The following SLC2A13 variants were observed in gnomAD, a reference collection of about 807,000 sequenced individuals.
The protein encoded by SLC2A13 is proton myo-inositol cotransporter.
In SLC2A13, 32 loss-of-function variants were observed where a neutral mutation model predicts 64.4. The ratio of observed to expected loss-of-function variants is 0.50; its 90% CI spans 0.37 to 0.67. The LOEUF (loss-of-function observed/expected upper bound fraction) is 0.67. Among genes scored for constraint, SLC2A13 ranks in the 30% least tolerant of loss-of-function variants. The probability of loss-of-function intolerance (pLI) is 0.00; values close to 1 mark genes in which losing one functional copy is unlikely to be tolerated. For synonymous variants in SLC2A13, 338 were observed against 327.1 expected (o/e 1.03, Z -0.36); for missense variants, 743 against 829.2 (o/e 0.90, Z 1.28).
At chr12:39,792,107 A>C (rs1249455819) in intron 7 of SLC2A13, among the ~76,000 whole-genome samples, 1 of 78,508 alleles carries the variant, frequency 1.3e-5, no homozygotes, top group African/African-American at 4.9e-5. Flanking sequence ...CAAACCTGAG[A>C]AAAACAAGCA....
Position 40,017,590 on chromosome 12 carries a change from T to C in SLC2A13, c.925+10711A>G, listed in dbSNP as rs28370778. Among the ~76,000 whole-genome samples, 1,435 of 152,314 alleles carry C rather than the reference T, an allele frequency of 9.4e-3. 16 individuals are homozygous for C. The highest frequency in any genetic ancestry group is 0.032 in the African/African-American group (1,345 of 41,566). ...GCAAGGGAGCTAAGATTTCTGTTGG[T>C]GCATCAAGCCATTTTGATAGTACAG... On this transcript the variant is annotated intron_variant, in intron 3 of 9. Coordinates refer to ENST00000280871, the MANE Select transcript of SLC2A13 (RefSeq NM_052885.4).
At chr12:39,799,804 AACTGAGGAGAGCTGG>A (rs1250558734) in intron 7 of SLC2A13, among the ~76,000 whole-genome samples, 31 of 152,314 alleles carry the variant, frequency 2.0e-4, no homozygotes, top group Admixed American at 1.8e-3. Flanking sequence ...AAAGCCTGGC[AACTGAGGAGAGCTGG>A]CTGGATCATG....
At chr12:39,812,352 C>CTTTTCTTTTCTT (rs1942192279) in intron 7 of SLC2A13, among the ~76,000 whole-genome samples, 1 of 127,856 alleles carries the variant, frequency 7.8e-6, no homozygotes, top group East Asian at 2.3e-4. Flanking sequence ...CTTTTCTTTT[C>CTTTTCTTTTCTT]TTTTCTTTTC....
chr12:39,961,830 A>G (rs1946419721), intron 3 of SLC2A13, among the ~76,000 whole-genome samples: 1 of 150,046 alleles, frequency 6.7e-6, no homozygotes, highest in African/African-American at 2.5e-5. Flanking sequence ...ACAGAGTCTC[A>G]CTCTGTCACC....
chr12:39,953,078 A>G (rs1229205819), intron 3 of SLC2A13, among the ~76,000 whole-genome samples: 1 of 152,200 alleles, frequency 6.6e-6, no homozygotes, highest in African/African-American at 2.4e-5. Context: ...CAAGAAGTCT[A>G]TTATAATCTT....
Position 39,813,328 on chromosome 12 carries a change from T to G in SLC2A13, c.1445+16775A>C, listed in dbSNP as rs182764008. Among the ~76,000 whole-genome samples, 189 of 152,234 alleles carry G rather than the reference T, an allele frequency of 1.2e-3. 1 individual carries two copies. The highest frequency in any genetic ancestry group is 5.0e-3 in the Admixed American group (77 of 15,292). ...TTATTTTATTACAAATATTTTCAAA[T>G]ATATTCAAAAGTAGAGAGTATAGTA... On this transcript the variant is annotated intron_variant, in intron 7 of 9. Transcript: ENST00000280871.
At chr12:39,950,199 T>C (rs1946203596) in intron 4 of SLC2A13, 1 of 152,114 alleles carries the variant, frequency 6.6e-6, no homozygotes, top group African/African-American at 2.4e-5. Flanking sequence ...TTTTAATCAA[T>C]TCACTCTTCT....
rs148854960 is a variant in SLC2A13, at chr12:39,921,281, G to A, written c.1034+29976C>T. Among the ~76,000 whole-genome samples, 580 of 152,120 alleles carry A rather than the reference G, an allele frequency of 3.8e-3. 10 individuals carry two copies. The highest frequency in any genetic ancestry group is 0.013 in the African/African-American group (547 of 41,452). On this transcript the variant is annotated intron_variant, in intron 4 of 9. Transcript: ENST00000280871. Reference sequence around the variant, plus strand: ...CTTCCTTCTGTTGCTAGAAAATGATGATCTTCAGTTACCAATACTAGGTTG... The same window carrying A: ...CTTCCTTCTGTTGCTAGAAAATGATAATCTTCAGTTACCAATACTAGGTTG...
At chr12:40,079,692 T>A (rs1026903456) in intron 1 of SLC2A13, among the ~76,000 whole-genome samples, 10 of 152,346 alleles carry the variant, frequency 6.6e-5, no homozygotes, top group African/African-American at 2.4e-4. Flanking sequence ...ACACTGTCAG[T>A]GACATGTTGA....
At chr12:40,084,361 A>G (rs1278500099) in intron 1 of SLC2A13, among the ~76,000 whole-genome samples, 1 of 152,216 alleles carries the variant, frequency 6.6e-6, no homozygotes. Flanking sequence ...ACACAAAGCC[A>G]CTTTTTAATG....
intron 1 of SLC2A13, among the ~76,000 whole-genome samples, chr12:40,067,906 T>C (rs1256841043): frequency 6.6e-6 from 1 of 152,134 alleles, no homozygotes; most frequent in Non-Finnish European, 1.5e-5. Context: ...AATTGCTTAT[T>C]CTTTTTTTCT....
chr12:39,939,533 G>A (rs961951537), intron 4 of SLC2A13, among the ~76,000 whole-genome samples: 1 of 152,182 alleles, frequency 6.6e-6, no homozygotes, highest in Non-Finnish European at 1.5e-5. Context: ...CCTACATTAT[G>A]GGAGCCAAGG....
At position 39,947,762 on chromosome 12, in the gene SLC2A13, G is replaced by A. The variant is rs529832297; in HGVS notation, c.1034+3495C>T. 2.3e-3 allele frequency among the ~76,000 whole-genome samples: 342 copies of A among 148,382 alleles called. 1 individual carries two copies. Among genetic ancestry groups the A allele is most frequent in the Non-Finnish European group, 4.1e-3 (274 of 67,642 alleles). ...TTCAAGCTCTGCCTCACGGGTTCAC[G>A]CCATTCTCCTGCCTCAGCCTCCCGA... On this transcript the variant is annotated intron_variant, in intron 4 of 9. Coordinates refer to ENST00000280871, the MANE Select transcript of SLC2A13 (RefSeq NM_052885.4).
At chr12:39,795,901 C>A (rs1285635461) in intron 7 of SLC2A13, among the ~76,000 whole-genome samples, 2 of 152,086 alleles carry the variant, frequency 1.3e-5, no homozygotes, top group African/African-American at 4.8e-5. Context: ...CACATGTCAT[C>A]AATTCATCCT....
intron 4 of SLC2A13, among the ~76,000 whole-genome samples, chr12:39,873,785 G>T (rs902819740): frequency 1.3e-5 from 2 of 152,054 alleles, no homozygotes; most frequent in East Asian, 1.9e-4. Flanking sequence ...ATGAAAAAAA[G>T]TTCCATAGCT....
intron 3 of SLC2A13, among the ~76,000 whole-genome samples, chr12:39,996,887 A>C (rs1947240850): frequency 6.6e-6 from 1 of 152,210 alleles, no homozygotes; most frequent in African/African-American, 2.4e-5. Flanking sequence ...AATCATAGAA[A>C]ACACAAACAA....
At chr12:39,860,465 T>G (rs1943730020) in intron 6 of SLC2A13, among the ~76,000 whole-genome samples, 1 of 152,182 alleles carries the variant, frequency 6.6e-6, no homozygotes, top group South Asian at 2.1e-4. Flanking sequence ...TTAATTATCA[T>G]GCATGGATAA....
intron 9 of SLC2A13, among the ~76,000 whole-genome samples, chr12:39,763,233 C>T (rs1315319227): frequency 6.6e-6 from 1 of 151,986 alleles, no homozygotes; most frequent in East Asian, 1.9e-4. Flanking sequence ...AGTGCATTTC[C>T]TTTCCAAGAA....
intron 3 of SLC2A13, among the ~76,000 whole-genome samples, chr12:39,981,376 T>C (rs1249256318): frequency 6.6e-6 from 1 of 151,864 alleles, no homozygotes; most frequent in Non-Finnish European, 1.5e-5. Flanking sequence ...AAAAAATCAA[T>C]GAATCCAGGA....
Sources: gnomAD v4.1 joint callset for allele counts (sites outside exome capture counted in the v4.1 genomes callset) on GRCh38, gnomAD v4.1.1 for gene constraint, MANE v1.5 for transcripts, NCBI Gene and HGNC (gene_info 2026-07-23, HGNC 2026-07-21) for gene names.